The following COL10A1 variants were observed in gnomAD, a reference collection of about 807,000 sequenced individuals.
COL10A1 encodes the protein collagen type X alpha 1 chain, also known as collagen alpha-1(X) chain.
In COL10A1, 10 loss-of-function variants were observed where a neutral mutation model predicts 18.2. The ratio of observed to expected loss-of-function variants is 0.55; its 90% CI spans 0.34 to 0.93. The LOEUF (loss-of-function observed/expected upper bound fraction) is 0.93, where lower values mean the gene tolerates loss of function less well. COL10A1 is among the 40% of genes least tolerant of loss of function. COL10A1 has a pLI of 0.02. For synonymous variants in COL10A1, 330 were observed against 316.6 expected, an observed-to-expected ratio of 1.04 and a Z score of -0.45; for missense variants, 897 against 853.5, an observed-to-expected ratio of 1.05 and a Z score of -0.64.
chr6:116,152,104 G>T (rs73772291), intron 1 of COL10A1, among the ~76,000 whole-genome samples: 5,857 of 152,206 alleles, frequency 0.038, 178 homozygotes, highest in African/African-American at 0.08. Flanking sequence ...GGTGGAGTGA[G>T]ATTTGTATGT....
At chr6:116,194,215 T>G in the COL10A1 span, among the ~76,000 whole-genome samples, 1 of 152,120 alleles carries the variant, frequency 6.6e-6, no homozygotes, top group East Asian at 1.9e-4. Context: ...AGGAAATCTA[T>G]TTGATCTTTA....
At chr6:116,171,099 A>T in the COL10A1 span, among the ~76,000 whole-genome samples, 2 of 151,744 alleles carry the variant, frequency 1.3e-5, no homozygotes, top group African/African-American at 2.4e-5. Context: ...TTTTTTTTAA[A>T]TCCCCAACAT....
chr6:116,205,194 C>T, the COL10A1 span, among the ~76,000 whole-genome samples: 1 of 151,946 alleles, frequency 6.6e-6, no homozygotes, highest in African/African-American at 2.4e-5. Flanking sequence ...ACCATGTCTT[C>T]AGGCTGCTAA....
chr6:116,181,414 T>G, the COL10A1 span, among the ~76,000 whole-genome samples: 1 of 152,118 alleles, frequency 6.6e-6, no homozygotes, highest in Non-Finnish European at 1.5e-5. Context: ...AATTTATGAT[T>G]ATTTCAGTGG....
chr6:116,168,079 G>T, the COL10A1 span, among the ~76,000 whole-genome samples: 1 of 140,236 alleles, frequency 7.1e-6, no homozygotes, highest in Middle Eastern at 3.5e-3. Context: ...GATGTACCTG[G>T]TGTCTTTTTT....
At chr6:116,125,615 A>C in intron 1 of COL10A1, 108 bp from the exon 2 acceptor site, 3 of 922,636 alleles carry the variant, frequency 3.3e-6, no homozygotes, top group Non-Finnish European at 4.9e-6. Context: ...TTTTTAACCT[A>C]TCCTATATAT....
intron 1 of COL10A1, among the ~76,000 whole-genome samples, chr6:116,132,509 A>G (rs998658767): frequency 5.9e-5 from 9 of 151,990 alleles, no homozygotes; most frequent in Admixed American, 5.9e-4. Flanking sequence ...TTTAAGGTAC[A>G]TATGTCTTTA....
the COL10A1 span, among the ~76,000 whole-genome samples, chr6:116,211,852 C>G: frequency 6.6e-6 from 1 of 151,980 alleles, no homozygotes; most frequent in African/African-American, 2.4e-5. Flanking sequence ...CCTCAGGAAT[C>G]TAATTAAAGC....
the COL10A1 span, among the ~76,000 whole-genome samples, chr6:116,177,123 T>C: frequency 2.0e-5 from 3 of 152,220 alleles, no homozygotes; most frequent in African/African-American, 7.2e-5. Context: ...TAGTGTCTCA[T>C]AGAGTGAATT....
chr6:116,155,495 G>A (rs561295367), intron 1 of COL10A1, among the ~76,000 whole-genome samples: 4 of 151,970 alleles, frequency 2.6e-5, no homozygotes, highest in Non-Finnish European at 4.4e-5. Flanking sequence ...CATGTAATAC[G>A]TACTGAATCC....
At chr6:116,126,505 G>A (rs964043821), upstream of COL10A1, among the ~76,000 whole-genome samples, 10 of 151,772 alleles carry the variant, frequency 6.6e-5, no homozygotes, top group African/African-American at 9.7e-5. Context: ...ACATAAAAGC[G>A]GATAAAATTC....
the COL10A1 span, among the ~76,000 whole-genome samples, chr6:116,178,919 A>G: frequency 1.3e-5 from 2 of 152,170 alleles, no homozygotes; most frequent in African/African-American, 4.8e-5. Flanking sequence ...CCAGCCCTCT[A>G]ATTTTTCTTT....
upstream of COL10A1, among the ~76,000 whole-genome samples, chr6:116,159,194 A>T (rs1388006698): frequency 6.6e-6 from 1 of 152,120 alleles, no homozygotes; most frequent in Non-Finnish European, 1.5e-5. Context: ...ATATACAATT[A>T]TGTGACTTTT....
chr6:116,140,153 G>C (rs1582829067), intron 1 of COL10A1, among the ~76,000 whole-genome samples: 1 of 152,124 alleles, frequency 6.6e-6, no homozygotes, highest in African/African-American at 2.4e-5. Flanking sequence ...AGGCTACTTT[G>C]GCATTTTTCC....
At chr6:116,194,214 A>G in the COL10A1 span, among the ~76,000 whole-genome samples, 20 of 152,114 alleles carry the variant, frequency 1.3e-4, no homozygotes, top group Non-Finnish European at 1.8e-4. Flanking sequence ...AAGGAAATCT[A>G]TTTGATCTTT....
At chr6:116,141,039 A>G (rs1236061773) in intron 1 of COL10A1, among the ~76,000 whole-genome samples, 1 of 152,070 alleles carries the variant, frequency 6.6e-6, no homozygotes, top group Non-Finnish European at 1.5e-5. Flanking sequence ...ATTATTTTCT[A>G]AATTGTTTCA....
the COL10A1 span, among the ~76,000 whole-genome samples, chr6:116,176,096 G>A: frequency 6.6e-6 from 1 of 152,196 alleles, no homozygotes; most frequent in African/African-American, 2.4e-5. Context: ...AATTGTGTGA[G>A]GTTGAATCAG....
chr6:116,128,772 G>T (rs1240969025), upstream of COL10A1, among the ~76,000 whole-genome samples: 1 of 152,030 alleles, frequency 6.6e-6, no homozygotes, highest in African/African-American at 2.4e-5. Flanking sequence ...AAATAGTGGT[G>T]GTTCAAAGAC....
rs771385143 is a variant in COL10A1 at position 116,120,847 on chromosome 6, A to G, written c.1269T>C (p.Pro423=). 1 of 1,613,920 alleles carries G rather than the reference A, an allele frequency of 6.2e-7. No individual in the cohort carries two copies. The highest frequency in any genetic ancestry group is 8.5e-7 in the Non-Finnish European group (1 of 1,179,926). Residue 423 remains proline, a synonymous_variant, in exon 3 of 3, where the codon CCT becomes CCC. Coordinates refer to ENST00000651968, the MANE Select transcript of COL10A1 (RefSeq NM_000493.4). The part of the protein sequence containing the change: ...GVGGPPGLPG[P]VGPAGAKGMP... The stretch of plus-strand genomic sequence containing the variant: ...TTCCCTTTGCTCCTGCTGGGCCCAC[A>G]GGGCCTGGGAGACCAGGAGGTCCTC...
Sources: allele counts gnomAD v4.1 joint callset (sites outside exome capture counted in the v4.1 genomes callset), GRCh38; gene constraint gnomAD v4.1.1; transcripts MANE v1.5; gene names NCBI Gene and HGNC (gene_info 2026-07-23, HGNC 2026-07-21).